The following CCDC50 variants were observed in gnomAD, a reference collection of about 807,000 sequenced individuals.
The protein encoded by CCDC50 is coiled-coil domain containing 50.
In CCDC50, 54 loss-of-function variants were observed where a neutral mutation model predicts 70.2. That is an observed-to-expected ratio of 0.77 (90% CI 0.62 to 0.96). CCDC50 has a LOEUF of 0.96. CCDC50 is among the 50% of genes least tolerant of loss of function. CCDC50 has a pLI of 0.00. For synonymous variants in CCDC50, 216 were observed against 198.8 expected, an observed-to-expected ratio of 1.09 and a Z score of -0.73; for missense variants, 558 against 578.7, an observed-to-expected ratio of 0.96 and a Z score of 0.37.
intron 4 of CCDC50, among the ~76,000 whole-genome samples, chr3:191,364,104 C>T (rs60167114): frequency 0.18 from 27,472 of 150,456 alleles, 4,267 homozygotes; most frequent in African/African-American, 0.43. Context: ...GAGTCTTGCT[C>T]TGTCTCCAGG....
At chr3:191,344,027 GA>G (rs1159951494) in intron 1 of CCDC50, among the ~76,000 whole-genome samples, 1 of 152,242 alleles carries the variant, frequency 6.6e-6, no homozygotes, top group Admixed American at 6.5e-5. Context: ...CAGCATAGGA[GA>G]AATGTAAATA....
At chr3:191,352,046 C>A (rs1712123135) in intron 1 of CCDC50, among the ~76,000 whole-genome samples, 1 of 142,108 alleles carries the variant, frequency 7.0e-6, no homozygotes, top group Non-Finnish European at 1.6e-5. Context: ...GTTTAAATCA[C>A]CCCCACTTCT....
rs144268061 is a variant in CCDC50, at chr3:191,375,525, G to A, written c.912G>A (p.Arg304=). The A allele has an allele frequency of 1.4e-5, 23 of 1,613,570 alleles. No individual in the cohort carries two copies. In the African/African-American group the frequency reaches 2.8e-4, roughly 20 times the overall value. Residue 304 remains arginine, a synonymous_variant, in exon 6 of 12, where the codon AGG becomes AGA. Transcript: ENST00000392455. The stretch of plus-strand genomic sequence containing the variant: ...ATGGGCAAGGTGAGCACAGAAAAAG[G>A]AGACACAGGCCCAGGACTCCTCCAT... ...RDHGQGEHRK[R]RHRPRTPPFS... is the part of the protein sequence containing the mutation.
rs1232796937 is a variant in CCDC50, at chr3:191,394,039, GT to G, written c.*2281del. ...ATCCAGTTATTTATTATTGTAAAAT[GT>G]TAACTGGAGATACTGCATTCAAAAA... On this transcript the variant is annotated 3_prime_UTR_variant, in exon 12 of 12. Coordinates refer to ENST00000392455, the MANE Select transcript of CCDC50 (RefSeq NM_178335.3). 1 of 151,930 alleles carries G rather than the reference GT, an allele frequency of 6.6e-6. No individual in the cohort carries two copies. The highest frequency in any genetic ancestry group is 1.5e-5 in the Non-Finnish European group (1 of 67,976). The allele number at this position is 151,930 out of a possible 1,614,324, so 9.4% of individuals were successfully genotyped here.
intron 6 of CCDC50, among the ~76,000 whole-genome samples, chr3:191,377,899 C>A (rs1713173361): frequency 6.6e-6 from 1 of 152,084 alleles, no homozygotes; most frequent in Admixed American, 6.6e-5. Context: ...AAGCTAGTTT[C>A]TAGAGTCTGT....
At chr3:191,379,591 A>G (rs566497479) in intron 6 of CCDC50, among the ~76,000 whole-genome samples, 1 of 152,190 alleles carries the variant, frequency 6.6e-6, no homozygotes, top group South Asian at 2.1e-4. Flanking sequence ...GCTGTGGGGA[A>G]GTTCTAAAGC....
intron 1 of CCDC50, among the ~76,000 whole-genome samples, chr3:191,351,312 C>T (rs147637687): frequency 0.019 from 2,634 of 141,564 alleles, 350 homozygotes; most frequent in African/African-American, 0.063. Flanking sequence ...CTGTTTTAGG[C>T]CTCCAAATTT....
intron 9 of CCDC50, among the ~76,000 whole-genome samples, chr3:191,382,177 A>G (rs1277179435): frequency 1.3e-5 from 2 of 152,174 alleles, no homozygotes; most frequent in Non-Finnish European, 2.9e-5. Flanking sequence ...CAAGCGTGTC[A>G]GAAGGCAATG....
chr3:191,378,544 C>CG (rs1713195654), intron 6 of CCDC50, among the ~76,000 whole-genome samples: 1 of 95,806 alleles, frequency 1.0e-5, no homozygotes, highest in African/African-American at 7.2e-5. Flanking sequence ...ATTGAAGTAT[C>CG]ATTTTTTCTA....
chr3:191,385,375 T>C (rs1286341537), intron 10 of CCDC50, among the ~76,000 whole-genome samples: 1 of 152,226 alleles, frequency 6.6e-6, no homozygotes, highest in Non-Finnish European at 1.5e-5. Context: ...TCAGATAGTA[T>C]CTCATTGTGG....
chr3:191,357,439 AGAT>A (rs968866114), intron 2 of CCDC50, among the ~76,000 whole-genome samples: 4 of 152,330 alleles, frequency 2.6e-5, no homozygotes, highest in African/African-American at 2.4e-5. Context: ...CAATGGTTGT[AGAT>A]TTATCTGGGG....
chr3:191,334,264 T>C (rs1718074799), intron 1 of CCDC50, among the ~76,000 whole-genome samples: 1 of 152,208 alleles, frequency 6.6e-6, no homozygotes, highest in South Asian at 2.1e-4. Context: ...TCTGAATTCA[T>C]ATGTGCACCA....
intron 10 of CCDC50, among the ~76,000 whole-genome samples, chr3:191,386,121 G>A (rs1713485260): frequency 6.6e-6 from 1 of 151,412 alleles, no homozygotes; most frequent in South Asian, 2.1e-4. Flanking sequence ...TTGGTTCCAT[G>A]TGAATTAAAT....
Position 191,391,981 on chromosome 3 carries a change from C to T in CCDC50, c.*221C>T. 1 of 568,558 alleles carries T rather than the reference C, an allele frequency of 1.8e-6. No homozygotes were observed. The highest frequency in any genetic ancestry group is 3.2e-6 in the Non-Finnish European group (1 of 316,720). The allele number at this position is 568,558 out of a possible 1,614,324, so 35.2% of individuals were successfully genotyped here. A position where few individuals can be genotyped will look rare whatever the true frequency, so the allele number is the denominator to read the frequency against. ...AAATGTAGCTTCTGAATATTGGCCA[C>T]CTCTATGCTGCATATACTTCTTGGG... On this transcript the variant is annotated 3_prime_UTR_variant, in exon 12 of 12. Transcript: ENST00000392455.
intron 1 of CCDC50, among the ~76,000 whole-genome samples, chr3:191,335,070 A>G (rs1369798216): frequency 2.0e-5 from 3 of 152,200 alleles, no homozygotes; most frequent in Admixed American, 6.5e-5. Context: ...TGGAGAAATA[A>G]AGTCATAGGC....
At chr3:191,356,487 A>C (rs1431034023) in intron 1 of CCDC50, among the ~76,000 whole-genome samples, 1 of 152,346 alleles carries the variant, frequency 6.6e-6, no homozygotes, top group East Asian at 1.9e-4. Flanking sequence ...CTAGAGACCT[A>C]GTTCTAACTC....
chr3:191,347,094 C>T (rs16866498), intron 1 of CCDC50, among the ~76,000 whole-genome samples: 1,555 of 141,958 alleles, frequency 0.011, 291 homozygotes, highest in Middle Eastern at 0.025. Flanking sequence ...CTGAGTTATG[C>T]TATTCTGGTG....
chr3:191,398,582 A>G lies in CCDC50; in HGVS notation c.*6822A>G, dbSNP rs143747396. On this transcript the variant is annotated 3_prime_UTR_variant, in exon 12 of 12. Transcript: ENST00000392455. ...TGAAATTTTTTCTTACTCCATTTCC[A>G]TACACTTTCTGTAAATATGTATAAC... 3.3e-3 allele frequency: 504 copies of G among 152,304 alleles called. 4 individuals are homozygous for G. The highest frequency in any genetic ancestry group is 0.012 in the African/African-American group (482 of 41,572). The allele number at this position is 152,304 out of a possible 1,614,324, so 9.4% of individuals were successfully genotyped here.
At chr3:191,390,854 T>C (rs1021599241) in intron 11 of CCDC50, among the ~76,000 whole-genome samples, 3 of 152,214 alleles carry the variant, frequency 2.0e-5, no homozygotes, top group African/African-American at 7.2e-5. Flanking sequence ...AGGCTTATTT[T>C]ATCCAGCCCC....
Sources: allele counts gnomAD v4.1 joint callset (sites outside exome capture counted in the v4.1 genomes callset), GRCh38; gene constraint gnomAD v4.1.1; transcripts MANE v1.5; gene names NCBI Gene and HGNC (gene_info 2026-07-23, HGNC 2026-07-21).